The following FHIT variants were observed in gnomAD, a reference collection of about 807,000 sequenced individuals.
The protein encoded by FHIT is bis(5'-adenosyl)-triphosphatase.
FHIT carries 19 observed loss-of-function variants against 17.9 expected under a neutral mutation model. That is an observed-to-expected ratio of 1.06 (90% CI 0.74 to 1.56). The LOEUF (loss-of-function observed/expected upper bound fraction) is 1.56, where lower values mean the gene tolerates loss of function less well. Ranked by LOEUF, FHIT falls within the 40% of genes most tolerant of loss-of-function variation. FHIT has a pLI of 0.00. For synonymous variants in FHIT, 81 were observed against 69.7 expected, an observed-to-expected ratio of 1.16 and a Z score of -0.81; for missense variants, 248 against 189.2, an observed-to-expected ratio of 1.31 and a Z score of -1.82.
chr3:61,116,987 A>T (rs1476484195), intron 2 of FHIT, among the ~76,000 whole-genome samples: 4 of 152,198 alleles, frequency 2.6e-5, no homozygotes, highest in African/African-American at 9.6e-5. Context: ...GAATCATAAT[A>T]TCAACCCAGT....
intron 7 of FHIT, among the ~76,000 whole-genome samples, chr3:59,978,274 T>G (rs1044030510): frequency 6.6e-6 from 1 of 152,040 alleles, no homozygotes; most frequent in African/African-American, 2.4e-5. Flanking sequence ...GGCCAGCAAA[T>G]TTCAAGAAGG....
chr3:60,233,950 C>T (rs1181343647), intron 5 of FHIT, among the ~76,000 whole-genome samples: 1 of 152,158 alleles, frequency 6.6e-6, no homozygotes, highest in Non-Finnish European at 1.5e-5. Context: ...ATCCATTAAA[C>T]CTCCTTCCTT....
intron 4 of FHIT, among the ~76,000 whole-genome samples, chr3:60,738,572 A>T (rs1553713161): frequency 6.6e-6 from 1 of 152,254 alleles, no homozygotes; most frequent in East Asian, 1.9e-4. Context: ...AGGCTGTCAG[A>T]GGCCACCTTG....
At chr3:59,995,429 T>C (rs1699466064) in intron 7 of FHIT, among the ~76,000 whole-genome samples, 1 of 152,096 alleles carries the variant, frequency 6.6e-6, no homozygotes, top group African/African-American at 2.4e-5. Flanking sequence ...CTTCAACAAC[T>C]AATTGGAATG....
At chr3:60,562,957 G>A (rs1256517465) in intron 4 of FHIT, among the ~76,000 whole-genome samples, 1 of 152,132 alleles carries the variant, frequency 6.6e-6, no homozygotes, top group East Asian at 1.9e-4. Context: ...CCCTGATATG[G>A]GCCAGGCTGA....
chr3:61,009,836 T>C (rs1171962704), intron 3 of FHIT, among the ~76,000 whole-genome samples: 1 of 152,176 alleles, frequency 6.6e-6, no homozygotes, highest in African/African-American at 2.4e-5. Context: ...ATGGGAAATA[T>C]AATATTTGGG....
chr3:59,930,729 TG>T (rs1316646102), intron 7 of FHIT, among the ~76,000 whole-genome samples: 1 of 152,092 alleles, frequency 6.6e-6, no homozygotes, highest in Non-Finnish European at 1.5e-5. Context: ...TAGGAAACGT[TG>T]GGGGGTGGTA....
chr3:60,986,067 T>C (rs1301037013), intron 3 of FHIT, among the ~76,000 whole-genome samples: 1 of 152,228 alleles, frequency 6.6e-6, no homozygotes, highest in African/African-American at 2.4e-5. Flanking sequence ...ACTGAGATAA[T>C]GTAGAATAAT....
intron 8 of FHIT, among the ~76,000 whole-genome samples, chr3:59,755,781 C>G (rs1216352683): frequency 6.6e-6 from 1 of 152,158 alleles, no homozygotes; most frequent in Non-Finnish European, 1.5e-5. Flanking sequence ...CTGGATAGAG[C>G]TAGCCTCATT....
At chr3:60,481,241 A>G (rs867274073) in intron 5 of FHIT, among the ~76,000 whole-genome samples, 3 of 152,350 alleles carry the variant, frequency 2.0e-5, no homozygotes, top group Middle Eastern at 6.8e-3. Context: ...AACAAGCTGG[A>G]AAACACACTT....
intron 2 of FHIT, among the ~76,000 whole-genome samples, chr3:61,191,466 T>A (rs2038714412): frequency 6.6e-6 from 1 of 152,142 alleles, no homozygotes; most frequent in Non-Finnish European, 1.5e-5. Context: ...AGACAGCACA[T>A]CATGGAACTT....
At chr3:61,079,787 G>A (rs944872171) in intron 2 of FHIT, among the ~76,000 whole-genome samples, 8 of 152,098 alleles carry the variant, frequency 5.3e-5, no homozygotes, top group Admixed American at 1.3e-4. Context: ...TTCATAAAGT[G>A]ACAAAAAGAA....
chr3:61,040,578 G>A (rs550325848), intron 3 of FHIT, among the ~76,000 whole-genome samples: 92 of 152,218 alleles, frequency 6.0e-4, no homozygotes, highest in African/African-American at 2.1e-3. Flanking sequence ...TGTTTGAATT[G>A]AGGCAACACA....
rs142221189 is a variant in FHIT at position 60,394,108 on chromosome 3, G to T, written c.103+142752C>A. 8.9e-4 allele frequency among the ~76,000 whole-genome samples: 136 copies of T among 152,244 alleles called. 1 individual carries two copies. The highest frequency in any genetic ancestry group is 3.2e-3 in the African/African-American group (135 of 41,546). ...GGTGAGGGTCAGGGTATGGGGGAAG[G>T]ATGTGTAAGATAGAGTAAAACACTG... is the stretch of plus-strand genomic sequence containing the variant. On this transcript the variant is annotated intron_variant, in intron 5 of 9. Transcript: ENST00000492590.
intron 8 of FHIT, among the ~76,000 whole-genome samples, chr3:59,840,201 T>G (rs140321225): frequency 2.9e-4 from 44 of 152,154 alleles, no homozygotes; most frequent in African/African-American, 1.1e-3. Context: ...TCTTGCAGAT[T>G]CCCCATCATT....
At chr3:60,269,536 C>A (rs1285358783) in intron 5 of FHIT, among the ~76,000 whole-genome samples, 1 of 152,168 alleles carries the variant, frequency 6.6e-6, no homozygotes, top group Non-Finnish European at 1.5e-5. Context: ...ATTTTTGCCT[C>A]AGTTATCTTT....
At chr3:60,456,135 G>A (rs572513814) in intron 5 of FHIT, among the ~76,000 whole-genome samples, 1 of 152,232 alleles carries the variant, frequency 6.6e-6, no homozygotes, top group South Asian at 2.1e-4. Context: ...ACATGCCCCT[G>A]AATAATGTCA....
chr3:60,069,158 G>C (rs970529993), intron 5 of FHIT, among the ~76,000 whole-genome samples: 1 of 152,164 alleles, frequency 6.6e-6, no homozygotes, highest in South Asian at 2.1e-4. Flanking sequence ...TCATGAAACA[G>C]TGCTTGGAAA....
rs5741620 is a variant in FHIT, at chr3:60,531,274, CTTTTTTTTT to C, written c.103+5577_103+5585del. ...TGTACAGGAAGGTTTGAAAAGAACT[CTTTTTTTTT>C]TTTTTTTTTTTTTGAGACGGAGTCT... On this transcript the variant is annotated intron_variant, in intron 5 of 9. Transcript: ENST00000492590. 4.8e-5 allele frequency among the ~76,000 whole-genome samples: 4 copies of C among 83,132 alleles called. No homozygotes were observed. In the South Asian group the frequency reaches 1.9e-3, roughly 39 times the overall value. 54.5% of individuals were successfully genotyped at this position (83,132 alleles called of 152,430 possible).
Sources: gnomAD v4.1 joint callset for allele counts (sites outside exome capture counted in the v4.1 genomes callset) on GRCh38, gnomAD v4.1.1 for gene constraint, MANE v1.5 for transcripts, NCBI Gene and HGNC (gene_info 2026-07-23, HGNC 2026-07-21) for gene names.